ASIC2: variants seen among roughly 807,000 people sequenced by gnomAD.
ASIC2 encodes the protein acid sensing ion channel subunit 2.
A neutral mutation model predicts 57.3 loss-of-function variants in ASIC2; 25 were observed. The ratio of observed to expected loss-of-function variants is 0.44; its 90% CI spans 0.32 to 0.61. The LOEUF (loss-of-function observed/expected upper bound fraction) is 0.61, where lower values mean the gene tolerates loss of function less well. ASIC2 is among the 20% of genes least tolerant of loss of function. The pLI is 0.06. For synonymous variants in ASIC2, 319 were observed against 307.5 expected, an observed-to-expected ratio of 1.04 and a Z score of -0.39; for missense variants, 641 against 738.1, an observed-to-expected ratio of 0.87 and a Z score of 1.52.
intron 1 of ASIC2, among the ~76,000 whole-genome samples, chr17:33,381,306 T>C (rs1166372650): frequency 6.6e-6 from 1 of 152,216 alleles, no homozygotes; most frequent in Non-Finnish European, 1.5e-5. Flanking sequence ...GCAGGCTGGT[T>C]CACACCCATC....
chr17:33,470,431 A>G (rs1031305735), intron 1 of ASIC2, among the ~76,000 whole-genome samples: 1 of 152,138 alleles, frequency 6.6e-6, no homozygotes, highest in Non-Finnish European at 1.5e-5. Context: ...AGCCAAATAT[A>G]CTAAACCATT....
chr17:33,098,680 C>T (rs191054023), intron 2 of ASIC2, among the ~76,000 whole-genome samples: 21 of 152,276 alleles, frequency 1.4e-4, no homozygotes, highest in South Asian at 1.0e-3. Flanking sequence ...ATTTTAAAGA[C>T]GCTATGACGT....
At chr17:33,988,492 G>A (rs1905901573) in intron 1 of ASIC2, among the ~76,000 whole-genome samples, 1 of 152,140 alleles carries the variant, frequency 6.6e-6, no homozygotes, top group Non-Finnish European at 1.5e-5. Flanking sequence ...TCGGCCATGT[G>A]GAACTGTAAG....
intron 1 of ASIC2, among the ~76,000 whole-genome samples, chr17:33,210,874 A>G (rs1426855153): frequency 6.6e-6 from 1 of 152,208 alleles, no homozygotes; most frequent in African/African-American, 2.4e-5. Context: ...TGAGTCAGTC[A>G]TGAAGCTACT....
intron 1 of ASIC2, among the ~76,000 whole-genome samples, chr17:33,809,483 T>A (rs1912359770): frequency 6.6e-6 from 1 of 152,204 alleles, no homozygotes; most frequent in Middle Eastern, 3.2e-3. Context: ...TAGAATCAGC[T>A]TTTGATAAAG....
intron 1 of ASIC2, among the ~76,000 whole-genome samples, chr17:34,072,953 G>C (rs1909477216): frequency 1.3e-5 from 2 of 152,142 alleles, no homozygotes; most frequent in African/African-American, 4.8e-5. Flanking sequence ...AGAGAGGTCA[G>C]CGTAGACACA....
chr17:33,508,986 C>A (rs117864937), intron 1 of ASIC2, among the ~76,000 whole-genome samples: 52 of 152,304 alleles, frequency 3.4e-4, no homozygotes, highest in Admixed American at 3.3e-3. Flanking sequence ...CCTTTACTCA[C>A]GTTTGGGGAT....
chr17:33,892,762 C>T (rs1049962094), intron 1 of ASIC2, among the ~76,000 whole-genome samples: 4 of 152,194 alleles, frequency 2.6e-5, no homozygotes, highest in African/African-American at 7.2e-5. Flanking sequence ...GCAGGCAGTG[C>T]TCACACTGGA....
chr17:33,663,624 C>CTGTATGTAAGTA (rs1468918850), intron 1 of ASIC2, among the ~76,000 whole-genome samples: 2 of 152,194 alleles, frequency 1.3e-5, no homozygotes, highest in Admixed American at 6.5e-5. Flanking sequence ...CGTGGCAGGG[C>CTGTATGTAAGTA]TGAGTTGAAC....
At chr17:33,876,093 G>T (rs560775399) in intron 1 of ASIC2, among the ~76,000 whole-genome samples, 12 of 152,170 alleles carry the variant, frequency 7.9e-5, no homozygotes, top group Non-Finnish European at 1.3e-4. Flanking sequence ...AAAGGACTTT[G>T]GTTCAAGTTC....
chr17:33,786,560 T>G (rs761776013), intron 1 of ASIC2, among the ~76,000 whole-genome samples: 17 of 152,352 alleles, frequency 1.1e-4, no homozygotes, highest in Non-Finnish European at 1.9e-4. Context: ...GAGTAAAGAA[T>G]GGCTTTTTAA....
At chr17:33,807,304 G>T (rs1206088348) in intron 1 of ASIC2, among the ~76,000 whole-genome samples, 1 of 152,280 alleles carries the variant, frequency 6.6e-6, no homozygotes, top group Middle Eastern at 3.4e-3. Flanking sequence ...TATGGCTATA[G>T]GTAGTGGCTT....
At chr17:33,644,866 C>T (rs1597819535) in intron 1 of ASIC2, among the ~76,000 whole-genome samples, 1 of 152,144 alleles carries the variant, frequency 6.6e-6, no homozygotes. Flanking sequence ...ATATGTGAAA[C>T]ATTCCTAGAC....
intron 1 of ASIC2, among the ~76,000 whole-genome samples, chr17:33,440,584 AAG>A (rs1285029052): frequency 6.6e-6 from 1 of 152,238 alleles, no homozygotes; most frequent in Admixed American, 6.5e-5. Flanking sequence ...CCAGCAAAGA[AAG>A]AGGGTTCCAA....
At chr17:33,534,856 G>A (rs1915173921) in intron 1 of ASIC2, among the ~76,000 whole-genome samples, 1 of 152,204 alleles carries the variant, frequency 6.6e-6, no homozygotes, top group Non-Finnish European at 1.5e-5. Context: ...GAGAAGAAGT[G>A]CACATTGATG....
intron 3 of ASIC2, among the ~76,000 whole-genome samples, chr17:33,028,877 G>T (rs1473676276): frequency 6.6e-6 from 1 of 152,228 alleles, no homozygotes; most frequent in African/African-American, 2.4e-5. Flanking sequence ...GGAAGATTCA[G>T]AATGAAATGG....
chr17:33,102,986 T>G (rs1241396726), intron 2 of ASIC2, among the ~76,000 whole-genome samples: 1 of 152,168 alleles, frequency 6.6e-6, no homozygotes, highest in Non-Finnish European at 1.5e-5. Flanking sequence ...GGTTTCACCA[T>G]GTTCGCCAGG....
chr17:33,060,518 A>G (rs922721507), intron 3 of ASIC2, among the ~76,000 whole-genome samples: 1 of 152,104 alleles, frequency 6.6e-6, no homozygotes, highest in African/African-American at 2.4e-5. Flanking sequence ...CCGTTGGTCT[A>G]TATCTCTGTT....
chr17:33,749,935 C>T lies in ASIC2; in HGVS notation c.555+406043G>A, dbSNP rs116106714. Among the ~76,000 whole-genome samples the T allele has an allele frequency of 4.8e-3, 738 of 152,234 alleles. 7 individuals carry two copies. The highest frequency in any genetic ancestry group is 0.017 in the African/African-American group (694 of 41,534). On this transcript the variant is annotated intron_variant, in intron 1 of 9. Coordinates refer to the ASIC2 transcript ENST00000359872. ...GCTGCCAGTGAGCCTCAGGAGTGCC[C>T]GAGTCTCCCCCCATGCCATCTTCTG...
Sources: allele counts gnomAD v4.1 joint callset (sites outside exome capture counted in the v4.1 genomes callset), GRCh38; gene constraint gnomAD v4.1.1; transcripts MANE v1.5; gene names NCBI Gene and HGNC (gene_info 2026-07-23, HGNC 2026-07-21).